Variants in CSTF1 observed in about 807,000 individuals in gnomAD.
The protein encoded by CSTF1 is CF-1 50 kDa subunit.
CSTF1 carries 2 observed loss-of-function variants against 40.9 expected under a neutral mutation model. That is an observed-to-expected ratio of 0.05 (90% confidence interval 0.02 to 0.15). The LOEUF (loss-of-function observed/expected upper bound fraction) is 0.15, where lower values mean the gene tolerates loss of function less well. Ranked by LOEUF, CSTF1 falls within the 10% of genes least tolerant of loss-of-function variation. The pLI, the probability that CSTF1 is intolerant of heterozygous loss-of-function variation, is 1.00. For missense variants in CSTF1, 279 were observed against 558.9 expected (o/e 0.50, Z 5.05); for synonymous variants, 218 against 207.2 (o/e 1.05, Z -0.45).
chr20:56,393,168 A>ATG (rs1555858113), intron 1 of CSTF1, among the ~76,000 whole-genome samples: 101 of 106,026 alleles, frequency 9.5e-4, no homozygotes, highest in African/African-American at 3.8e-3. Flanking sequence ...ATACACACAC[A>ATG]TATGTGTGTG....
intron 5 of CSTF1, among the ~76,000 whole-genome samples, chr20:56,402,857 C>G (rs981029050): frequency 1.5e-4 from 23 of 151,602 alleles, no homozygotes; most frequent in African/African-American, 5.3e-4. Flanking sequence ...ATCACTCGAA[C>G]CCAGGAGGCG....
At position 56,395,686 on chromosome 20, in the gene CSTF1, C is replaced by T; in HGVS notation, c.134C>T (p.Ala45Val). The change falls in exon 2 of 6, where the codon GCA becomes GTA. Residue 45 changes from alanine to valine, a missense_variant. Transcript: ENST00000217109. ...INEIKPQSVC[A>V]PSEQLLHLIK... Reference sequence around the variant, plus strand: ...GAAATCAAGCCTCAGTCTGTGTGTGCACCCTCGGAGCAGCTCCTGCATCTC... The same window carrying T: ...GAAATCAAGCCTCAGTCTGTGTGTGTACCCTCGGAGCAGCTCCTGCATCTC... The T allele has an allele frequency of 1.9e-6, 3 of 1,614,134 alleles. No homozygotes were observed. Among genetic ancestry groups the T allele is most frequent in the Non-Finnish European group, 2.5e-6 (3 of 1,179,998 alleles).
chr20:56,394,863 T>A (rs2146241700), intron 1 of CSTF1, among the ~76,000 whole-genome samples: 1 of 152,224 alleles, frequency 6.6e-6, no homozygotes, highest in South Asian at 2.1e-4. Flanking sequence ...TTTTCATTTT[T>A]ATTGTTTTGA....
chr20:56,399,682 A>G lies in CSTF1; in HGVS notation c.1036+325A>G, dbSNP rs1978371315. 2.0e-5 allele frequency among the ~76,000 whole-genome samples: 3 copies of G among 152,344 alleles called. No individual in the cohort carries two copies. The highest frequency in any genetic ancestry group is 2.9e-5 in the Non-Finnish European group (2 of 68,030). On this transcript the variant is annotated intron_variant, in intron 5 of 5. Coordinates refer to ENST00000217109, the MANE Select transcript of CSTF1 (RefSeq NM_001324.3). The surrounding 1 kb of genome is among the most constrained non-coding windows in gnomAD (Gnocchi z 4.6). ...CTCTTCCCACAGAAATGTGAAAGCA[A>G]TCCAGAGAAAAGTTTCCAATAGTAG...
rs924305820 is a variant in CSTF1, at chr20:56,405,478, G to A, written c.*1751G>A. The A allele has an allele frequency of 6.6e-6, 1 of 152,238 alleles. No homozygotes were observed. The highest frequency in any genetic ancestry group is 2.4e-5 in the African/African-American group (1 of 41,448). 9.4% of individuals were successfully genotyped at this position (152,238 alleles called of 1,614,324 possible). On this transcript the variant is annotated 3_prime_UTR_variant, in exon 6 of 6. Transcript: ENST00000217109. Reference sequence around the variant, plus strand: ...CCCGCCTCAGCCTCCCAAAGTGCTAGGATTACAGGCGTGAGCCACCACGCG... The same window carrying A: ...CCCGCCTCAGCCTCCCAAAGTGCTAAGATTACAGGCGTGAGCCACCACGCG...
Position 56,397,946 on chromosome 20 carries a change from G to C in CSTF1, c.645+105G>C. ...AGTCTCAGTGATCATCCTGTAAGATGCGTACAGACCAGGATGCATGCCCGA... is the reference window on the plus strand; with the variant it reads ...AGTCTCAGTGATCATCCTGTAAGATCCGTACAGACCAGGATGCATGCCCGA... On this transcript the variant is annotated intron_variant, in intron 4 of 5. Coordinates refer to ENST00000217109, the MANE Select transcript of CSTF1 (RefSeq NM_001324.3). The surrounding 1 kb of genome is among the most constrained non-coding windows in gnomAD (Gnocchi z 4.4). 1.1e-6 allele frequency: 1 copy of C among 916,772 alleles called. No homozygotes were observed. The highest frequency in any genetic ancestry group is 1.7e-6 in the Non-Finnish European group (1 of 602,116). 56.8% of individuals were successfully genotyped at this position (916,772 alleles called of 1,614,324 possible). A position where few individuals can be genotyped will look rare whatever the true frequency, so the allele number is the denominator to read the frequency against.
rs1987542081 is a variant in CSTF1 at position 56,397,200 on chromosome 20, C to T, written c.170-7C>T. The T allele has an allele frequency of 6.2e-7, 1 of 1,603,284 alleles. No homozygotes were observed. The highest frequency in any genetic ancestry group is 1.7e-5 in the Admixed American group (1 of 58,354). ...TTTGTTACGCCCTTAATTTTGATTT[C>T]TTTCAGGAATGGAAAACGATGACAC... On this transcript the variant is annotated splice_region_variant and splice_polypyrimidine_tract_variant and intron_variant, in intron 2 of 5. Coordinates refer to ENST00000217109, the MANE Select transcript of CSTF1 (RefSeq NM_001324.3). The surrounding 1 kb of genome is among the most constrained non-coding windows in gnomAD (Gnocchi z 4.4).
chr20:56,406,352 A>G lies in CSTF1; in HGVS notation c.*2625A>G, dbSNP rs762162643. On this transcript the variant is annotated 3_prime_UTR_variant, in exon 6 of 6. Transcript: ENST00000217109. The stretch of plus-strand genomic sequence containing the variant: ...ATACGTGATTTCTGAAATAAACTTT[A>G]TATACAATGATAAGCTAGTTTATTT... 6.6e-6 allele frequency: 1 copy of G among 151,940 alleles called. No individual in the cohort carries two copies. Among genetic ancestry groups the G allele is most frequent in the Non-Finnish European group, 1.5e-5 (1 of 68,008 alleles). 9.4% of individuals were successfully genotyped at this position (151,940 alleles called of 1,614,324 possible). A position where few individuals can be genotyped will look rare whatever the true frequency, so the allele number is the denominator to read the frequency against.
Position 56,403,837 on chromosome 20 carries a change from T to C in CSTF1, c.*110T>C. 1 of 1,037,724 alleles carries C rather than the reference T, an allele frequency of 9.6e-7. No homozygotes were observed. The highest frequency in any genetic ancestry group is 1.4e-6 in the Non-Finnish European group (1 of 704,468). The allele number at this position is 1,037,724 out of a possible 1,614,324, so 64.3% of individuals were successfully genotyped here. Reference sequence around the variant, plus strand: ...CCATCCTTGACGTTTTGCTGCCACCTCTGTCCACATTCTTCTTGGATTTGT... The same window carrying C: ...CCATCCTTGACGTTTTGCTGCCACCCCTGTCCACATTCTTCTTGGATTTGT... On this transcript the variant is annotated 3_prime_UTR_variant, in exon 6 of 6. Coordinates refer to ENST00000217109, the MANE Select transcript of CSTF1 (RefSeq NM_001324.3).
At chr20:56,402,098 G>C (rs1978479163) in intron 5 of CSTF1, among the ~76,000 whole-genome samples, 1 of 152,136 alleles carries the variant, frequency 6.6e-6, no homozygotes. Context: ...TCTGAGGTCA[G>C]GAGTTTGAGA....
intron 2 of CSTF1, among the ~76,000 whole-genome samples, chr20:56,396,524 A>G (rs75594455): frequency 1.5e-3 from 228 of 152,336 alleles, no homozygotes; most frequent in African/African-American, 5.3e-3. Context: ...AACATGTTAC[A>G]CAGCATTGCT....
In CSTF1 at chr20:56,396,414, A is replaced by G. The variant is rs3787388; in HGVS notation, c.169+693A>G. ...CATGGAATTAGCTGTAAATTTTTAA[A>G]TATCCATAAAAGTGAATACTATAAC... On this transcript the variant is annotated intron_variant, in intron 2 of 5. Transcript: ENST00000217109. Among the ~76,000 whole-genome samples, 10 of 152,358 alleles carry G rather than the reference A, an allele frequency of 6.6e-5. No individual in the cohort carries two copies. The East Asian group carries it at 1.9e-3, about 29-fold the overall frequency.
At chr20:56,401,427 A>G (rs925162783) in intron 5 of CSTF1, among the ~76,000 whole-genome samples, 4 of 152,218 alleles carry the variant, frequency 2.6e-5, no homozygotes, top group Non-Finnish European at 5.9e-5. Context: ...ATTATCTACT[A>G]TTGATAGAGA....
intron 1 of CSTF1, among the ~76,000 whole-genome samples, chr20:56,395,320 T>C (rs139827018): frequency 1.5e-3 from 221 of 152,330 alleles, no homozygotes; most frequent in African/African-American, 5.2e-3. Context: ...GGGCTTTATA[T>C]GCACCACCGT....
Position 56,405,310 on chromosome 20 carries a change from G to C in CSTF1, c.*1583G>C, listed in dbSNP as rs1471420602. The C allele has an allele frequency of 6.6e-6, 1 of 152,112 alleles. No homozygotes were observed. Among genetic ancestry groups the C allele is most frequent in the Admixed American group, 6.6e-5 (1 of 15,266 alleles). 9.4% of individuals were successfully genotyped at this position (152,112 alleles called of 1,614,324 possible). ...CAGCCTCCGCCACCTGGGTTCAAACGATTCTCCTGCCTCAGGCTCCCGAGT... is the reference window on the plus strand; with the variant it reads ...CAGCCTCCGCCACCTGGGTTCAAACCATTCTCCTGCCTCAGGCTCCCGAGT... On this transcript the variant is annotated 3_prime_UTR_variant, in exon 6 of 6. Coordinates refer to ENST00000217109, the MANE Select transcript of CSTF1 (RefSeq NM_001324.3).
Sources: gnomAD v4.1 joint callset for allele counts (sites outside exome capture counted in the v4.1 genomes callset) on GRCh38, gnomAD v4.1.1 for gene constraint, Gnocchi (gnomAD v3.1) non-coding constraint, MANE v1.5 for transcripts, NCBI Gene and HGNC (gene_info 2026-07-23, HGNC 2026-07-21) for gene names.